Variants in TRMT11 observed in about 807,000 individuals in gnomAD.
The protein encoded by TRMT11 is tRNA methyltransferase 11.
In TRMT11, 53 loss-of-function variants were observed where a neutral mutation model predicts 62.8. The observed-to-expected ratio is 0.84, with a 90% confidence interval of 0.68 to 1.06. The LOEUF (loss-of-function observed/expected upper bound fraction) is 1.06, where lower values mean the gene tolerates loss of function less well. TRMT11 is among the 50% of genes least tolerant of loss of function. The probability of loss-of-function intolerance (pLI) is 0.00; values close to 1 mark genes in which losing one functional copy is unlikely to be tolerated. For synonymous variants in TRMT11, 188 were observed against 190.3 expected, an observed-to-expected ratio of 0.99 and a Z score of 0.10; for missense variants, 556 against 553.4, an observed-to-expected ratio of 1.00 and a Z score of -0.05.
chr6:126,004,024 T>C (rs1792949588), intron 7 of TRMT11, among the ~76,000 whole-genome samples: 1 of 152,158 alleles, frequency 6.6e-6, no homozygotes, highest in South Asian at 2.1e-4. Context: ...ATTTACCTTT[T>C]TCCAAATGCT....
chr6:126,160,481 G>A (rs1562337203), intron 21 of TRMT11, among the ~76,000 whole-genome samples: 1 of 152,048 alleles, frequency 6.6e-6, no homozygotes, highest in Non-Finnish European at 1.5e-5. Context: ...TAGAAGGAAG[G>A]CAGAGATGAT....
At chr6:126,123,069 T>A (rs1249887537) in intron 21 of TRMT11, among the ~76,000 whole-genome samples, 1 of 152,096 alleles carries the variant, frequency 6.6e-6, no homozygotes, top group African/African-American at 2.4e-5. Context: ...TGTTTCTGAG[T>A]TTTCTTATCT....
chr6:126,008,306 G>T, intron 7 of TRMT11, 86 bp from the exon 8 acceptor site: 3 of 1,129,092 alleles, frequency 2.7e-6, no homozygotes, highest in Non-Finnish European at 4.1e-6. Context: ...CCTGCAGCTA[G>T]TTTCTAAGAC....
At position 126,185,882 on chromosome 6, in the gene TRMT11, A is replaced by G. The variant is rs536795523; in HGVS notation, n.143+8547A>G. ...AATGCCAGATGCTTATAAAACCATCAGATCTCATGAGAACTCACTTACTAA... is the reference window on the plus strand; with the variant it reads ...AATGCCAGATGCTTATAAAACCATCGGATCTCATGAGAACTCACTTACTAA... On this transcript the variant is annotated intron_variant and non_coding_transcript_variant, in intron 1 of 3. Transcript: ENST00000444229. Among the ~76,000 whole-genome samples, 23 of 152,140 alleles carry G rather than the reference A, an allele frequency of 1.5e-4. 1 individual carries two copies. Among genetic ancestry groups the G allele is most frequent in the Non-Finnish European group, 2.8e-4 (19 of 68,032 alleles).
intron 21 of TRMT11, among the ~76,000 whole-genome samples, chr6:126,122,809 T>G (rs1777665675): frequency 6.6e-6 from 1 of 152,138 alleles, no homozygotes; most frequent in Non-Finnish European, 1.5e-5. Flanking sequence ...TATATGCCAT[T>G]TCTTTTGTTA....
At chr6:126,027,451 A>G (rs1773394645) in intron 12 of TRMT11, among the ~76,000 whole-genome samples, 1 of 152,180 alleles carries the variant, frequency 6.6e-6, no homozygotes, top group Admixed American at 6.5e-5. Flanking sequence ...TTAAAAATAA[A>G]AAATTATTTT....
chr6:126,056,907 C>T (rs1776390210), intron 17 of TRMT11, among the ~76,000 whole-genome samples: 3 of 152,162 alleles, frequency 2.0e-5, no homozygotes, highest in Admixed American at 2.0e-4. Context: ...CACCTGGCCC[C>T]AAAGCTGTGT....
chr6:126,027,526 A>G (rs998819667), intron 12 of TRMT11, among the ~76,000 whole-genome samples: 2 of 152,190 alleles, frequency 1.3e-5, no homozygotes, highest in Non-Finnish European at 2.9e-5. Context: ...TTTACTTCAC[A>G]TGCTACCTTA....
At chr6:126,169,081 G>A (rs1181209739) in intron 21 of TRMT11, among the ~76,000 whole-genome samples, 7 of 152,144 alleles carry the variant, frequency 4.6e-5, no homozygotes, top group Admixed American at 4.6e-4. Flanking sequence ...CATTTCTTCA[G>A]TCTCCTGGAA....
At chr6:126,012,361 A>G (rs1056873536) in intron 9 of TRMT11, among the ~76,000 whole-genome samples, 2 of 152,112 alleles carry the variant, frequency 1.3e-5, no homozygotes, top group Non-Finnish European at 2.9e-5. Context: ...ATAGTCTCTT[A>G]GCAAAAATAC....
chr6:126,087,269 A>G (rs964295140), intron 17 of TRMT11, among the ~76,000 whole-genome samples: 2 of 152,186 alleles, frequency 1.3e-5, no homozygotes, highest in African/African-American at 4.8e-5. Flanking sequence ...TTATATTGGA[A>G]AATATTAAAC....
upstream of TRMT11, among the ~76,000 whole-genome samples, chr6:126,175,697 A>T (rs1161214585): frequency 5.9e-5 from 9 of 152,180 alleles, no homozygotes; most frequent in Admixed American, 4.6e-4. Flanking sequence ...CATTTTACTT[A>T]GTTACTATTA....
At chr6:126,026,645 A>G (rs1429749041) in intron 12 of TRMT11, among the ~76,000 whole-genome samples, 4 of 152,012 alleles carry the variant, frequency 2.6e-5, no homozygotes, top group Non-Finnish European at 5.9e-5. Context: ...TCAGCCTCCC[A>G]AAGTGCTGGG....
At chr6:126,011,641 A>G (rs1794215228) in intron 9 of TRMT11, among the ~76,000 whole-genome samples, 1 of 152,054 alleles carries the variant, frequency 6.6e-6, no homozygotes, top group African/African-American at 2.4e-5. Context: ...TTGGCTTGCC[A>G]TCCCCTGTTA....
In TRMT11 at chr6:126,189,943, TATA is replaced by T. The variant is rs1429614818; in HGVS notation, n.144-8852_144-8850del. Reference sequence around the variant, plus strand: ...TAGTGGTACATATTTTTGGGTTACATATAATATTTTCATACATATAATATTTTC... The same window carrying T: ...TAGTGGTACATATTTTTGGGTTACATATATTTTCATACATATAATATTTTC... On this transcript the variant is annotated intron_variant and non_coding_transcript_variant, in intron 1 of 3. Transcript: ENST00000444229. 2.0e-5 allele frequency among the ~76,000 whole-genome samples: 3 copies of T among 150,526 alleles called. No homozygotes were observed. The East Asian group carries it at 5.8e-4, about 29-fold the overall frequency.
intron 7 of TRMT11, among the ~76,000 whole-genome samples, chr6:126,001,666 T>G (rs1792513746): frequency 6.6e-6 from 1 of 152,076 alleles, no homozygotes; most frequent in South Asian, 2.1e-4. Context: ...ATTAAGGCCA[T>G]GTAGTATTCT....
intron 21 of TRMT11, among the ~76,000 whole-genome samples, chr6:126,155,889 T>C (rs1246505391): frequency 6.6e-6 from 1 of 150,498 alleles, no homozygotes; most frequent in African/African-American, 2.4e-5. Context: ...CCCGGGTAAT[T>C]TTTTTTTTTA....
intron 17 of TRMT11, among the ~76,000 whole-genome samples, chr6:126,066,838 T>C (rs1239351759): frequency 6.6e-6 from 1 of 151,776 alleles, no homozygotes; most frequent in Non-Finnish European, 1.5e-5. Context: ...GACATTGGTG[T>C]CTGGATTTTA....
At chr6:125,986,877 C>A in intron 1 of TRMT11, 1 of 510,166 alleles carries the variant, frequency 2.0e-6, no homozygotes, top group Non-Finnish European at 3.5e-6. Flanking sequence ...CGGAGTTAGG[C>A]AGGTGAATAT....
Sources: gnomAD v4.1 joint callset for allele counts (sites outside exome capture counted in the v4.1 genomes callset) on GRCh38, gnomAD v4.1.1 for gene constraint, MANE v1.5 for transcripts, NCBI Gene and HGNC (gene_info 2026-07-23, HGNC 2026-07-21) for gene names.